RGL3: variants seen among roughly 807,000 people sequenced by gnomAD.
The protein encoded by RGL3 is ral guanine nucleotide dissociation stimulator-like 3.
In RGL3, 85 loss-of-function variants were observed where a neutral mutation model predicts 90.6. That is an observed-to-expected ratio of 0.94 (90% CI 0.79 to 1.12). The LOEUF (loss-of-function observed/expected upper bound fraction) is 1.12. Ranked by LOEUF, RGL3 falls within the 50% of genes most tolerant of loss-of-function variation. The pLI is 0.00. For synonymous variants in RGL3, 408 were observed against 385.5 expected (o/e 1.06, Z -0.68); for missense variants, 1,034 against 939.2 (o/e 1.10, Z -1.32).
intron 13 of RGL3, 122 bp downstream of exon 13, chr19:11,401,889 G>T: frequency 2.4e-6 from 3 of 1,272,652 alleles, no homozygotes; most frequent in Non-Finnish European, 3.2e-6. Context: ...AGGTTGTAGT[G>T]GGGGATCAGG....
intron 1 of RGL3, among the ~76,000 whole-genome samples, 178 bp downstream of exon 1, chr19:11,419,068 G>A (rs1267317565): frequency 1.3e-5 from 2 of 152,126 alleles, no homozygotes; most frequent in African/African-American, 2.4e-5. Context: ...AGAGACTCGC[G>A]CCCCCATCCC....
intron 5 of RGL3, 67 bp downstream of exon 5, chr19:11,415,870 G>T: frequency 7.3e-7 from 1 of 1,366,598 alleles, no homozygotes; most frequent in Non-Finnish European, 1.0e-6. Flanking sequence ...GGGAGAGAAA[G>T]CCTGTGTGGG....
chr19:11,406,398 C>T, intron 7 of RGL3, 21 bp downstream of exon 7: 1 of 1,524,018 alleles, frequency 6.6e-7, no homozygotes, highest in Non-Finnish European at 8.8e-7. Flanking sequence ...CCCGCATCCC[C>T]TCTCCGCGCC....
At chr19:11,416,187 T>C in intron 4 of RGL3, 39 bp from the exon 5 acceptor site, 1 of 1,371,142 alleles carries the variant, frequency 7.3e-7, no homozygotes, top group Non-Finnish European at 9.8e-7. Flanking sequence ...GGGTCCAGAG[T>C]GGGGGACATA....
rs551657078 is a variant in RGL3 at position 11,406,325 on chromosome 19, G to C, written c.996+94C>G. 3.0e-5 allele frequency: 37 copies of C among 1,242,042 alleles called. No individual in the cohort carries two copies. The African/African-American group carries it at 5.4e-4, about 18-fold the overall frequency. The allele number at this position is 1,242,042 out of a possible 1,614,324, so 76.9% of individuals were successfully genotyped here. A position where few individuals can be genotyped will look rare whatever the true frequency, so the allele number is the denominator to read the frequency against. On this transcript the variant is annotated intron_variant, in intron 7 of 18. Transcript: ENST00000380456. ...AACTTTCCACCCCGTTCCCTCCCTCGCCTAGACTCGCCCCTATCTCTCTCC... is the reference window on the plus strand; with the variant it reads ...AACTTTCCACCCCGTTCCCTCCCTCCCCTAGACTCGCCCCTATCTCTCTCC...
intron 16 of RGL3, among the ~76,000 whole-genome samples, chr19:11,398,702 C>T (rs1330317583): frequency 1.3e-5 from 2 of 151,212 alleles, no homozygotes; most frequent in Non-Finnish European, 2.9e-5. Context: ...GAGCCTCGCT[C>T]TGTCACCAGG....
chr19:11,409,083 A>G (rs917434662), intron 5 of RGL3, among the ~76,000 whole-genome samples: 1 of 151,946 alleles, frequency 6.6e-6, no homozygotes, highest in African/African-American at 2.4e-5. Context: ...CTAAGGCTAG[A>G]GAATCACCTC....
rs114352500 is a variant in RGL3 at position 11,416,864 on chromosome 19, G to A, written c.343C>T (p.Pro115Ser). ...PTACLLGFLL[P>S]PMPPPPPPGV... is the part of the protein sequence containing the mutation. ...GGAGGTGGGGGCGGTGGCATTGGTG[G>A]CAGCAGAAAGCCCAGCAGGCAGGCA... is the stretch of plus-strand genomic sequence containing the variant. The change falls in exon 3 of 19, where the codon CCA (proline) becomes TCA (serine). Residue 115 changes from proline (P) to serine (S), a missense_variant. Physicochemically the swap from Pro to Ser is moderately conservative, Grantham distance 74 (BLOSUM62 -1). Transcript: ENST00000380456. 173 of 1,613,944 alleles carry A rather than the reference G, an allele frequency of 1.1e-4. 1 individual carries two copies. In the African/African-American group the frequency reaches 2.2e-3, roughly 21 times the overall value.
At chr19:11,409,768 C>G (rs545791595) in intron 5 of RGL3, among the ~76,000 whole-genome samples, 23 of 152,244 alleles carry the variant, frequency 1.5e-4, no homozygotes, top group African/African-American at 5.5e-4. Context: ...TACAACAGCA[C>G]CGTGACACTC....
chr19:11,413,098 T>C (rs1187999125), intron 5 of RGL3, among the ~76,000 whole-genome samples: 1 of 152,052 alleles, frequency 6.6e-6, no homozygotes, highest in Non-Finnish European at 1.5e-5. Context: ...GGGCAGCACT[T>C]TCCATATAAT....
intron 18 of RGL3, among the ~76,000 whole-genome samples, chr19:11,396,158 ATTTTTTTTTTTT>A (rs1169850022): frequency 1.2e-3 from 30 of 25,622 alleles, no homozygotes; most frequent in African/African-American, 4.3e-3. Flanking sequence ...ATATATATAT[ATTTTTTTTTTTT>A]TTTTTTTTTT....
chr19:11,396,686 A>C (rs1968579009), intron 18 of RGL3, among the ~76,000 whole-genome samples: 1 of 143,362 alleles, frequency 7.0e-6, no homozygotes, highest in African/African-American at 2.7e-5. Context: ...TTTTTTTTAA[A>C]CAGAGTCTCG....
chr19:11,417,096 G>A (rs370338836), intron 2 of RGL3, 37 bp from the exon 3 acceptor site: 39 of 1,497,848 alleles, frequency 2.6e-5, no homozygotes, highest in Non-Finnish European at 3.4e-5. Flanking sequence ...GAGAGCAGGA[G>A]TGGTCCTCAC....
chr19:11,414,165 A>ACACC (rs1283038865), intron 5 of RGL3, among the ~76,000 whole-genome samples: 11 of 111,230 alleles, frequency 9.9e-5, no homozygotes, highest in African/African-American at 4.2e-4. Context: ...ATATATATAT[A>ACACC]TATATATATA....
chr19:11,417,522 G>A (rs1969025308), intron 2 of RGL3, among the ~76,000 whole-genome samples: 1 of 146,304 alleles, frequency 6.8e-6, no homozygotes, highest in Non-Finnish European at 1.5e-5. Context: ...CTAGGCTGGA[G>A]TTCAGTGGCG....
At position 11,397,321 on chromosome 19, in the gene RGL3, C is replaced by T. The variant is rs148805298; in HGVS notation, c.1937G>A (p.Arg646Gln). The T allele has an allele frequency of 1.9e-5, 30 of 1,609,452 alleles. No homozygotes were observed. Among genetic ancestry groups the T allele is most frequent in the Non-Finnish European group, 2.3e-5 (27 of 1,177,854 alleles). The change falls in exon 18 of 19, where the codon CGA becomes CAA. Residue 646 changes from arginine (R) to glutamine (Q), a missense_variant. Coordinates refer to ENST00000380456, the MANE Select transcript of RGL3 (RefSeq NM_001035223.4). ...SQDKAPSVVR[R>Q]ALQKHNVPQP... ...GGGCACATTGTGCTTCTGCAAGGCT[C>T]GCCGGACCACGCTGGGGGCTTTGTC... is the stretch of plus-strand genomic sequence containing the variant.
intron 5 of RGL3, among the ~76,000 whole-genome samples, chr19:11,412,903 T>C (rs1968897336): frequency 6.6e-6 from 1 of 151,834 alleles, no homozygotes; most frequent in African/African-American, 2.4e-5. Context: ...GAGGTGGAGG[T>C]TGCAGTAAGC....
chr19:11,406,465 GC>G lies in RGL3; in HGVS notation c.949del (p.Ala317ProfsTer49). 6.4e-7 allele frequency: 1 copy of G among 1,550,958 alleles called. No homozygotes were observed. Among genetic ancestry groups the G allele is most frequent in the Non-Finnish European group, 8.7e-7 (1 of 1,151,276 alleles). ...GSVLGAPGLA[A>X]PQRAQRLEKW... is the part of the protein sequence containing the mutation. ...CTCCAGCCGCTGCGCCCTCTGCGGG[GC>G]GGCCAAGCCCGGTGCTCCGAGCACG... On this transcript the variant is annotated frameshift_variant, in exon 7 of 19. Transcript: ENST00000380456. LOFTEE classifies it high-confidence loss of function.
chr19:11,406,387 C>T lies in RGL3; in HGVS notation c.996+32G>A, dbSNP rs555306828. On this transcript the variant is annotated intron_variant, in intron 7 of 18. Transcript: ENST00000380456. ...TTTTTCCCCTTGCCCCAGGGCCCGC[C>T]CCCGCATCCCCTCTCCGCGCCCGCA... The T allele has an allele frequency of 4.0e-6, 6 of 1,516,182 alleles. No individual in the cohort carries two copies. The Admixed American group carries it at 6.0e-5, about 15-fold the overall frequency. 93.9% of individuals were successfully genotyped at this position (1,516,182 alleles called of 1,614,324 possible).
Sources: gnomAD v4.1 joint callset for allele counts (sites outside exome capture counted in the v4.1 genomes callset) on GRCh38, gnomAD v4.1.1 for gene constraint, MANE v1.5 for transcripts, NCBI Gene and HGNC (gene_info 2026-07-23, HGNC 2026-07-21) for gene names.